Variants in FGF13 observed in about 807,000 individuals in gnomAD.
The protein encoded by FGF13 is fibroblast growth factor homologous factor 2.
A neutral mutation model predicts 19.5 loss-of-function variants in FGF13; 2 were observed. The ratio of observed to expected loss-of-function variants is 0.10; its 90% CI spans 0.04 to 0.32. The LOEUF (loss-of-function observed/expected upper bound fraction) is 0.32. Among genes scored for constraint, FGF13 ranks in the 10% least tolerant of loss-of-function variants. FGF13 has a pLI of 1.00. For synonymous variants in FGF13, 72 were observed against 76.9 expected, an observed-to-expected ratio of 0.94 and a Z score of 0.33; for missense variants, 113 against 192.7, an observed-to-expected ratio of 0.59 and a Z score of 2.45.
chrX:138,975,676 A>G (rs2091936918), intron 1 of FGF13, among the ~76,000 whole-genome samples: 1 of 111,800 alleles, frequency 8.9e-6, no homozygotes, highest in African/African-American at 3.3e-5. Context: ...CCTTGGAGGA[A>G]GAATGGTGTG....
upstream of FGF13, chrX:139,204,163 G>A: frequency 2.7e-6 from 3 of 1,106,604 alleles, no homozygotes; most frequent in Non-Finnish European, 3.7e-6. Flanking sequence ...TCGCCGAGCG[G>A]GTCGGACTTG....
Position 139,151,323 on chromosome X carries a change from AT to A in FGF13, c.-113+52092del, listed in dbSNP as rs1485688083. Among the ~76,000 whole-genome samples the A allele has an allele frequency of 2.7e-5, 3 of 111,701 alleles. No homozygotes were observed. The Admixed American group carries it at 2.9e-4, about 11-fold the overall frequency. ...GACTGTGATTGGAAACTTTCTCTCC[AT>A]TGATCGCCCATTCTAAAAGTTAAAT... On this transcript the variant is annotated intron_variant, in intron 1 of 2. Coordinates refer to the FGF13 transcript ENST00000421460.
At chrX:138,666,703 TAA>T (rs1397644983) in intron 3 of FGF13, among the ~76,000 whole-genome samples, 1 of 111,510 alleles carries the variant, frequency 9.0e-6, no homozygotes, top group Non-Finnish European at 1.9e-5. Flanking sequence ...CTATAAATTT[TAA>T]AGTGTTAGAT....
chrX:138,645,993 GTTA>G (rs1427384849), intron 3 of FGF13, among the ~76,000 whole-genome samples: 1 of 112,054 alleles, frequency 8.9e-6, no homozygotes, highest in Admixed American at 9.5e-5. Flanking sequence ...AAACTACAAT[GTTA>G]TTATCTCACT....
intron 1 of FGF13, among the ~76,000 whole-genome samples, chrX:139,177,407 T>C (rs2084197141): frequency 9.0e-6 from 1 of 110,702 alleles, no homozygotes; most frequent in South Asian, 3.9e-4. Context: ...AATTGGGGCA[T>C]TTAGCCCATT....
At chrX:138,992,209 A>G (rs2092019654) in intron 1 of FGF13, among the ~76,000 whole-genome samples, 1 of 110,701 alleles carries the variant, frequency 9.0e-6, no homozygotes, top group Admixed American at 9.7e-5. Flanking sequence ...CTGTCGATTT[A>G]GGAGTTCTTT....
intron 1 of FGF13, among the ~76,000 whole-genome samples, chrX:139,196,950 A>G (rs1315894881): frequency 1.8e-5 from 2 of 112,471 alleles, no homozygotes; most frequent in Admixed American, 1.9e-4. Flanking sequence ...GGTGTTGGAA[A>G]GTCAACCATT....
intron 1 of FGF13, among the ~76,000 whole-genome samples, chrX:139,167,151 T>G (rs1206979252): frequency 8.9e-6 from 1 of 112,027 alleles, no homozygotes; most frequent in Non-Finnish European, 1.9e-5. Flanking sequence ...AATATCTCCT[T>G]CCTTTTCTGT....
intron 1 of FGF13, among the ~76,000 whole-genome samples, chrX:139,189,917 T>C (rs2084311664): frequency 8.9e-6 from 1 of 112,236 alleles, no homozygotes; most frequent in Non-Finnish European, 1.9e-5. Flanking sequence ...ACATGGTGTA[T>C]TGTCCTGAAG....
At chrX:138,992,678 A>T (rs2092022044) in intron 1 of FGF13, among the ~76,000 whole-genome samples, 1 of 111,896 alleles carries the variant, frequency 8.9e-6, no homozygotes, top group African/African-American at 3.2e-5. Flanking sequence ...AGTAGAATTC[A>T]AATTAATAAA....
chrX:138,819,616 A>T, intron 3 of FGF13, among the ~76,000 whole-genome samples: 1 of 111,570 alleles, frequency 9.0e-6, no homozygotes. Context: ...TTTAAATATG[A>T]CATTAAAAGG....
intron 1 of FGF13, among the ~76,000 whole-genome samples, chrX:138,923,186 T>TTGTG (rs1277958197): frequency 1.8e-5 from 2 of 111,882 alleles, no homozygotes; most frequent in African/African-American, 6.5e-5. Context: ...CTTATTAACA[T>TTGTG]TGTGTGTTCA....
chrX:138,808,891 C>T (rs944187211), intron 3 of FGF13, among the ~76,000 whole-genome samples: 2 of 111,617 alleles, frequency 1.8e-5, no homozygotes, highest in African/African-American at 6.5e-5. Flanking sequence ...CAAGACTAAA[C>T]CAGGAAGAAG....
chrX:138,834,019 T>C (rs1569407175), intron 3 of FGF13, among the ~76,000 whole-genome samples: 1 of 111,980 alleles, frequency 8.9e-6, no homozygotes, highest in Non-Finnish European at 1.9e-5. Flanking sequence ...TACTTGATCA[T>C]GGTGGATTAA....
chrX:138,984,082 T>C (rs2091975886), intron 1 of FGF13, among the ~76,000 whole-genome samples: 1 of 111,156 alleles, frequency 9.0e-6, no homozygotes, highest in Non-Finnish European at 1.9e-5. Flanking sequence ...CAGCATTTTG[T>C]TTATGGTTTT....
chrX:138,805,239 C>G (rs2090857559), intron 3 of FGF13, among the ~76,000 whole-genome samples: 1 of 111,635 alleles, frequency 9.0e-6, no homozygotes. Flanking sequence ...AATAAATATA[C>G]AAGGTAATAT....
intron 3 of FGF13, among the ~76,000 whole-genome samples, chrX:138,818,495 CACAG>C (rs1304614675): frequency 1.2e-4 from 7 of 59,289 alleles, no homozygotes; most frequent in Non-Finnish European, 2.3e-4. Flanking sequence ...TATATATATG[CACAG>C]ACACACACAC....
chrX:138,811,451 G>T (rs1052723663), intron 3 of FGF13, among the ~76,000 whole-genome samples: 1 of 110,132 alleles, frequency 9.1e-6, no homozygotes, highest in Non-Finnish European at 1.9e-5. Context: ...GTTGTGGGGT[G>T]GGGGGAGTGT....
intron 1 of FGF13, among the ~76,000 whole-genome samples, chrX:139,153,888 A>G (rs2083955946): frequency 1.8e-5 from 2 of 111,180 alleles, no homozygotes; most frequent in African/African-American, 6.5e-5. Context: ...ACAGAGGCAG[A>G]GACTGGAATG....
Sources: allele counts gnomAD v4.1 joint callset (sites outside exome capture counted in the v4.1 genomes callset), GRCh38; gene constraint gnomAD v4.1.1; transcripts MANE v1.5; gene names NCBI Gene and HGNC (gene_info 2026-07-23, HGNC 2026-07-21).